The following ZMIZ1 variants were observed in gnomAD, a reference collection of about 807,000 sequenced individuals.
ZMIZ1 encodes the protein zinc finger MIZ-type containing 1.
A neutral mutation model predicts 113.9 loss-of-function variants in ZMIZ1; 17 were observed. The ratio of observed to expected loss-of-function variants is 0.15; its 90% CI spans 0.10 to 0.22. The LOEUF is 0.22. Ranked by LOEUF, ZMIZ1 falls within the 10% of genes least tolerant of loss-of-function variation. ZMIZ1 has a pLI of 1.00. For missense variants in ZMIZ1, 1,059 were observed against 1,477.8 expected (o/e 0.72, Z 4.65); for synonymous variants, 607 against 603.1 (o/e 1.01, Z -0.09).
Position 79,307,559 on chromosome 10 carries a change from C to T in ZMIZ1, c.2823C>T (p.Pro941=), listed in dbSNP as rs868308211. The T allele has an allele frequency of 6.2e-7, 1 of 1,612,488 alleles. No individual in the cohort carries two copies. Among genetic ancestry groups the T allele is most frequent in the Middle Eastern group, 1.7e-4 (1 of 6,040 alleles). The change falls in exon 23 of 25, where the codon CCC becomes CCT. Residue 941 remains proline, a synonymous_variant. Transcript: ENST00000334512. ...CCCTCGAGAAACCCCTCAGCCACCC[C>T]ATGCAGGAAACTGTGAGTACCTCCT... The part of the protein sequence containing the change: ...MAALEKPLSH[P]MQETMPHAGS...
chr10:79,245,879 G>A lies in ZMIZ1; in HGVS notation c.280+29605G>A, dbSNP rs533279292. 1.3e-4 allele frequency among the ~76,000 whole-genome samples: 20 copies of A among 152,330 alleles called. No individual in the cohort carries two copies. In the East Asian group the frequency reaches 2.7e-3, roughly 21 times the overall value. On this transcript the variant is annotated intron_variant, in intron 7 of 24. Coordinates refer to ENST00000334512, the MANE Select transcript of ZMIZ1 (RefSeq NM_020338.4). ...CAGTAGCCACCGAAGGCTGGTAGCC[G>A]CCTTGTTGGGCAGCTCAGACTCTAG... is the stretch of plus-strand genomic sequence containing the variant.
chr10:79,218,409 AGGTTGC>A (rs1224606523), intron 7 of ZMIZ1, among the ~76,000 whole-genome samples: 22 of 152,084 alleles, frequency 1.4e-4, no homozygotes, highest in African/African-American at 5.1e-4. Flanking sequence ...TGGGAGGTGG[AGGTTGC>A]AGTGAGTCAA....
intron 22 of ZMIZ1, 93 bp from the exon 23 acceptor site, chr10:79,307,312 C>G: frequency 7.5e-7 from 1 of 1,325,932 alleles, no homozygotes; most frequent in Non-Finnish European, 1.1e-6. Flanking sequence ...AGGAAAAGGA[C>G]TTGGCTTGTA....
chr10:79,249,639 T>G (rs1850422338), intron 7 of ZMIZ1, among the ~76,000 whole-genome samples: 1 of 152,226 alleles, frequency 6.6e-6, no homozygotes, highest in Non-Finnish European at 1.5e-5. Flanking sequence ...AAGTTTTCAG[T>G]TCCTCAGTCA....
intron 7 of ZMIZ1, among the ~76,000 whole-genome samples, chr10:79,248,785 C>G (rs917925101): frequency 1.3e-5 from 2 of 152,160 alleles, no homozygotes; most frequent in Non-Finnish European, 2.9e-5. Context: ...TCCCTAGTCC[C>G]TCGGGGGATT....
intron 4 of ZMIZ1, among the ~76,000 whole-genome samples, chr10:79,199,561 A>G (rs1053560525): frequency 6.6e-6 from 1 of 152,170 alleles, no homozygotes; most frequent in African/African-American, 2.4e-5. Flanking sequence ...ATGTATCATC[A>G]AGAGGGGGGA....
chr10:79,195,838 A>C (rs1228850608), intron 4 of ZMIZ1, among the ~76,000 whole-genome samples: 1 of 152,180 alleles, frequency 6.6e-6, no homozygotes, highest in African/African-American at 2.4e-5. Context: ...AGAGGGTTTG[A>C]ATCTCAGCCC....
intron 6 of ZMIZ1, among the ~76,000 whole-genome samples, chr10:79,215,907 C>CG (rs1436564164): frequency 6.6e-6 from 1 of 152,100 alleles, no homozygotes; most frequent in Non-Finnish European, 1.5e-5. Context: ...TTGGAAGCGG[C>CG]GGGGCCTATG....
intron 9 of ZMIZ1, 26 bp from the exon 10 acceptor site, chr10:79,290,933 G>A: frequency 6.2e-7 from 1 of 1,609,570 alleles, no homozygotes; most frequent in Non-Finnish European, 8.5e-7. Context: ...TAGCACCTTA[G>A]GTGACAACCA....
intron 23 of ZMIZ1, among the ~76,000 whole-genome samples, chr10:79,309,039 G>T (rs536289828): frequency 6.6e-6 from 1 of 152,186 alleles, no homozygotes; most frequent in East Asian, 1.9e-4. Context: ...AAGTGCGGAT[G>T]TGCCAGGCCG....
intron 7 of ZMIZ1, among the ~76,000 whole-genome samples, chr10:79,218,405 G>T (rs1011733867): frequency 3.9e-5 from 6 of 152,114 alleles, no homozygotes; most frequent in African/African-American, 7.2e-5. Context: ...AGCCTGGGAG[G>T]TGGAGGTTGC....
intron 16 of ZMIZ1, 74 bp downstream of exon 16, chr10:79,299,265 G>A (rs1564597530): frequency 2.0e-6 from 3 of 1,524,938 alleles, no homozygotes; most frequent in South Asian, 1.2e-5. Flanking sequence ...TTGGGCCCGA[G>A]TGGGGCCCTG....
At chr10:79,279,758 G>A (rs1453808803) in intron 8 of ZMIZ1, among the ~76,000 whole-genome samples, 1 of 152,208 alleles carries the variant, frequency 6.6e-6, no homozygotes, top group Non-Finnish European at 1.5e-5. Flanking sequence ...GTCAGGAGCT[G>A]GAGACCAGCC....
chr10:79,139,715 A>G lies in ZMIZ1; in HGVS notation c.-193A>G, dbSNP rs1303989906. On this transcript the variant is annotated 5_prime_UTR_variant, in exon 3 of 25. Transcript: ENST00000334512. ...GGAGGAGGCCCGTTGGCGTCGGACC[A>G]ATGCTGCAAGGGGTGTGAGGAGAGG... 1 of 398,724 alleles carries G rather than the reference A, an allele frequency of 2.5e-6. No homozygotes were observed. Among genetic ancestry groups the G allele is most frequent in the African/African-American group, 2.1e-5 (1 of 48,624 alleles). 24.7% of individuals were successfully genotyped at this position (398,724 alleles called of 1,614,324 possible). A position where few individuals can be genotyped will look rare whatever the true frequency, so the allele number is the denominator to read the frequency against.
At chr10:79,119,856 T>G (rs756015406) in intron 2 of ZMIZ1, among the ~76,000 whole-genome samples, 1 of 152,154 alleles carries the variant, frequency 6.6e-6, no homozygotes, top group Non-Finnish European at 1.5e-5. Flanking sequence ...GATAAGGCTT[T>G]CTTTCCCTCC....
chr10:79,108,689 A>C (rs1843638446), intron 1 of ZMIZ1, among the ~76,000 whole-genome samples: 1 of 152,054 alleles, frequency 6.6e-6, no homozygotes, highest in Non-Finnish European at 1.5e-5. Context: ...TCAGGGCCTG[A>C]GGTTGGCTGC....
At chr10:79,081,256 G>T (rs1842649024) in intron 1 of ZMIZ1, among the ~76,000 whole-genome samples, 1 of 152,166 alleles carries the variant, frequency 6.6e-6, no homozygotes, top group African/African-American at 2.4e-5. Flanking sequence ...TTCTCTCTGG[G>T]CTGAGTCTAA....
At chr10:79,230,144 C>T (rs1370859955) in intron 7 of ZMIZ1, among the ~76,000 whole-genome samples, 3 of 152,286 alleles carry the variant, frequency 2.0e-5, no homozygotes, top group South Asian at 4.1e-4. Context: ...GTCCTTTTGG[C>T]TCTTTCTCTC....
intron 7 of ZMIZ1, among the ~76,000 whole-genome samples, chr10:79,276,902 CCT>C (rs1852326195): frequency 2.6e-5 from 4 of 152,164 alleles, no homozygotes; most frequent in African/African-American, 7.2e-5. Flanking sequence ...TGACTCTCCC[CCT>C]CTTTGCCTCC....
Sources: allele counts gnomAD v4.1 joint callset (sites outside exome capture counted in the v4.1 genomes callset), GRCh38; gene constraint gnomAD v4.1.1; transcripts MANE v1.5; gene names NCBI Gene and HGNC (gene_info 2026-07-23, HGNC 2026-07-21).